SESTD1: variants seen among roughly 807,000 people sequenced by gnomAD.
The protein encoded by SESTD1 is SEC14 and spectrin domain containing 1, also known as SEC14 domain and spectrin repeat-containing protein 1.
In SESTD1, 43 loss-of-function variants were observed where a neutral mutation model predicts 101.7. The observed-to-expected ratio is 0.42, with a 90% CI of 0.33 to 0.55. The LOEUF (loss-of-function observed/expected upper bound fraction) is 0.55. SESTD1 is among the 20% of genes least tolerant of loss of function. The pLI is 0.07. For synonymous variants in SESTD1, 283 were observed against 286.8 expected, an observed-to-expected ratio of 0.99 and a Z score of 0.13; for missense variants, 647 against 815.1, an observed-to-expected ratio of 0.79 and a Z score of 2.51.
At chr2:179,121,573 T>G (rs1266301736) in intron 13 of SESTD1, among the ~76,000 whole-genome samples, 197 bp downstream of exon 13, 2 of 152,010 alleles carry the variant, frequency 1.3e-5, no homozygotes, top group African/African-American at 4.8e-5. Flanking sequence ...AAAAGGAAAA[T>G]GGTACCTAAT....
In SESTD1 at chr2:179,167,800, T is replaced by C. The variant is rs148407404; in HGVS notation, c.369+4320A>G. On this transcript the variant is annotated intron_variant, in intron 5 of 17. Transcript: ENST00000428443. ...TTTTTTGAGGCAGGGTCTCACTCTGTTGCCCAGGCTGGAGTGCAGTGGCAT... is the reference window on the plus strand; with the variant it reads ...TTTTTTGAGGCAGGGTCTCACTCTGCTGCCCAGGCTGGAGTGCAGTGGCAT... Among the ~76,000 whole-genome samples the C allele has an allele frequency of 4.2e-3, 642 of 152,274 alleles. 2 individuals are homozygous for C. Among genetic ancestry groups the C allele is most frequent in the African/African-American group, 0.014 (595 of 41,562 alleles).
chr2:179,244,853 T>C (rs1052775633), intron 1 of SESTD1, among the ~76,000 whole-genome samples: 1 of 152,196 alleles, frequency 6.6e-6, no homozygotes, highest in African/African-American at 2.4e-5. Flanking sequence ...TAAATGTGTG[T>C]ACAGGAAACA....
At chr2:179,179,823 T>G (rs1271707308) in intron 3 of SESTD1, among the ~76,000 whole-genome samples, 4 of 152,040 alleles carry the variant, frequency 2.6e-5, no homozygotes, top group Non-Finnish European at 5.9e-5. Flanking sequence ...CTGATCCCCC[T>G]CCCAGCACTG....
intron 1 of SESTD1, among the ~76,000 whole-genome samples, chr2:179,193,017 A>G (rs2046340188): frequency 6.6e-6 from 1 of 152,192 alleles, no homozygotes; most frequent in Non-Finnish European, 1.5e-5. Context: ...TTACTTATTC[A>G]GCAAACACCT....
chr2:179,174,596 G>C, intron 4 of SESTD1: 1 of 370,918 alleles, frequency 2.7e-6, no homozygotes, highest in Non-Finnish European at 5.4e-6. Context: ...AGTGCTGGAA[G>C]CACTTTTTTT....
chr2:179,201,011 G>A (rs577549536), intron 1 of SESTD1, among the ~76,000 whole-genome samples: 5 of 133,906 alleles, frequency 3.7e-5, no homozygotes, highest in East Asian at 4.0e-4. Context: ...GAAAATTTTC[G>A]CAACCTACTC....
Position 179,103,195 on chromosome 2 carries a change from C to T in SESTD1, c.*6704G>A, listed in dbSNP as rs561422549. 6.6e-6 allele frequency: 1 copy of T among 152,244 alleles called. No homozygotes were observed. Among genetic ancestry groups the T allele is most frequent in the Admixed American group, 6.5e-5 (1 of 15,276 alleles). 9.4% of individuals were successfully genotyped at this position (152,244 alleles called of 1,614,324 possible). On this transcript the variant is annotated 3_prime_UTR_variant, in exon 18 of 18. Transcript: ENST00000428443. ...TCAGGCATAGGAACCCCTTGAGGAG[C>T]TGTCTGGGGCAGACAGGTCTTTGCT... is the stretch of plus-strand genomic sequence containing the variant.
At chr2:179,148,938 T>C (rs1024992434) in intron 7 of SESTD1, among the ~76,000 whole-genome samples, 3 of 151,664 alleles carry the variant, frequency 2.0e-5, no homozygotes, top group African/African-American at 7.3e-5. Context: ...CGGGCGCCTG[T>C]AGTCCCAGCT....
rs1369815278 is a variant in SESTD1, at chr2:179,105,707, C to T, written c.*4192G>A. 1 of 152,130 alleles carries T rather than the reference C, an allele frequency of 6.6e-6. No homozygotes were observed. Among genetic ancestry groups the T allele is most frequent in the Non-Finnish European group, 1.5e-5 (1 of 68,008 alleles). The allele number at this position is 152,130 out of a possible 1,614,324, so 9.4% of individuals were successfully genotyped here. A position where few individuals can be genotyped will look rare whatever the true frequency, so the allele number is the denominator to read the frequency against. On this transcript the variant is annotated 3_prime_UTR_variant, in exon 18 of 18. Coordinates refer to ENST00000428443, the MANE Select transcript of SESTD1 (RefSeq NM_178123.5). ...TTATTTCTGGATATTTTGGCTTCAA[C>T]AATTCTTTATATCATATTTTATTCT...
chr2:179,121,190 C>T (rs910516316), intron 13 of SESTD1, among the ~76,000 whole-genome samples: 4 of 152,150 alleles, frequency 2.6e-5, no homozygotes, highest in African/African-American at 9.7e-5. Flanking sequence ...TTCATATAAC[C>T]ATGCTAGATT....
chr2:179,186,264 A>G (rs2046231241), intron 2 of SESTD1, among the ~76,000 whole-genome samples: 1 of 152,020 alleles, frequency 6.6e-6, no homozygotes, highest in African/African-American at 2.4e-5. Flanking sequence ...TCATGTAGAG[A>G]TTTACTCAAC....
At chr2:179,245,037 C>T (rs578136904) in intron 1 of SESTD1, among the ~76,000 whole-genome samples, 18 of 152,220 alleles carry the variant, frequency 1.2e-4, no homozygotes, top group Admixed American at 2.6e-4. Flanking sequence ...CACTCAAAAA[C>T]GAAACACATG....
At chr2:179,117,208 G>T (rs559886746) in intron 14 of SESTD1, among the ~76,000 whole-genome samples, 1 of 152,220 alleles carries the variant, frequency 6.6e-6, no homozygotes, top group African/African-American at 2.4e-5. Context: ...TCTTGCAGAT[G>T]CAAGAGAGCA....
At chr2:179,161,933 A>AT (rs941855756) in intron 5 of SESTD1, among the ~76,000 whole-genome samples, 16 of 152,132 alleles carry the variant, frequency 1.1e-4, no homozygotes, top group Non-Finnish European at 2.4e-4. Context: ...TTTTACCATT[A>AT]TTTTTAGAGT....
intron 5 of SESTD1, among the ~76,000 whole-genome samples, chr2:179,171,772 A>C (rs1245522692): frequency 6.6e-6 from 1 of 152,146 alleles, no homozygotes; most frequent in African/African-American, 2.4e-5. Flanking sequence ...CAAAAAATAG[A>C]CTATAATTTC....
intron 1 of SESTD1, among the ~76,000 whole-genome samples, chr2:179,238,232 C>G (rs1201930304): frequency 6.6e-6 from 1 of 151,976 alleles, no homozygotes; most frequent in Non-Finnish European, 1.5e-5. Context: ...GATAGGTTGG[C>G]CTTGCTGTCT....
intron 1 of SESTD1, among the ~76,000 whole-genome samples, chr2:179,236,447 C>T (rs886627100): frequency 6.7e-6 from 1 of 150,244 alleles, no homozygotes; most frequent in Non-Finnish European, 1.5e-5. Flanking sequence ...CAATGAGCTA[C>T]AATCGTGCCA....
intron 13 of SESTD1, among the ~76,000 whole-genome samples, chr2:179,118,157 C>T (rs1267855998): frequency 1.3e-5 from 2 of 151,988 alleles, no homozygotes; most frequent in Admixed American, 6.6e-5. Flanking sequence ...TAAACATTAA[C>T]GCTTTTCATT....
chr2:179,233,781 T>C (rs1372923613), intron 1 of SESTD1, among the ~76,000 whole-genome samples: 1 of 152,178 alleles, frequency 6.6e-6, no homozygotes, highest in African/African-American at 2.4e-5. Flanking sequence ...CAGAGATAGA[T>C]ACAGGGATAC....
Sources: gnomAD v4.1 joint callset for allele counts (sites outside exome capture counted in the v4.1 genomes callset) on GRCh38, gnomAD v4.1.1 for gene constraint, MANE v1.5 for transcripts, NCBI Gene and HGNC (gene_info 2026-07-23, HGNC 2026-07-21) for gene names.